Variants in CENPU observed in about 807,000 individuals in gnomAD.
CENPU encodes centromere protein U.
A neutral mutation model predicts 56.7 loss-of-function variants in CENPU; 46 were observed. That is an observed-to-expected ratio of 0.81 (90% CI 0.64 to 1.04). The LOEUF (loss-of-function observed/expected upper bound fraction) is 1.04, where lower values mean the gene tolerates loss of function less well. CENPU is among the 50% of genes least tolerant of loss of function. The probability of loss-of-function intolerance (pLI) is 0.00; values close to 1 mark genes in which losing one functional copy is unlikely to be tolerated. For synonymous variants in CENPU, 166 were observed against 163.0 expected, an observed-to-expected ratio of 1.02 and a Z score of -0.14; for missense variants, 510 against 490.1, an observed-to-expected ratio of 1.04 and a Z score of -0.38.
At chr4:184,701,586 G>A (rs1481506472) in intron 10 of CENPU, among the ~76,000 whole-genome samples, 1 of 152,098 alleles carries the variant, frequency 6.6e-6, no homozygotes, top group South Asian at 2.1e-4. Flanking sequence ...AGACCCAGTG[G>A]TATACAGCTT....
intron 2 of CENPU, among the ~76,000 whole-genome samples, chr4:184,729,839 T>C (rs1027410852): frequency 1.3e-5 from 2 of 152,166 alleles, no homozygotes; most frequent in African/African-American, 4.8e-5. Flanking sequence ...CATGAAAACA[T>C]ACATAAAATG....
intron 8 of CENPU, among the ~76,000 whole-genome samples, chr4:184,704,171 C>T (rs1156455814): frequency 2.0e-5 from 3 of 152,076 alleles, no homozygotes; most frequent in African/African-American, 7.2e-5. Context: ...CCTCAAACTC[C>T]TTGACTCCAG....
At chr4:184,727,267 A>G (rs1761488607) in intron 3 of CENPU, among the ~76,000 whole-genome samples, 1 of 152,280 alleles carries the variant, frequency 6.6e-6, no homozygotes, top group Admixed American at 6.5e-5. Flanking sequence ...GATGGTTGCC[A>G]GGAGTTGAGG....
At chr4:184,715,261 A>T (rs1273206752) in intron 6 of CENPU, among the ~76,000 whole-genome samples, 2 of 152,224 alleles carry the variant, frequency 1.3e-5, no homozygotes, top group Non-Finnish European at 2.9e-5. Context: ...AATTAATCAC[A>T]TATTAAGAAC....
At position 184,694,379 on chromosome 4, in the gene CENPU, T is replaced by C. The variant is rs538109637; in HGVS notation, c.*909A>G. The stretch of plus-strand genomic sequence containing the variant: ...GTGCACTCATTCCCACGGTGAGATA[T>C]CGGAGACAGCATTCCTCCTGCATAT... On this transcript the variant is annotated 3_prime_UTR_variant, in exon 13 of 13. Coordinates refer to ENST00000281453, the MANE Select transcript of CENPU (RefSeq NM_024629.4). 1.1e-5 allele frequency: 15 copies of C among 1,415,508 alleles called. No individual in the cohort carries two copies. Among genetic ancestry groups the C allele is most frequent in the Admixed American group, 5.7e-5 (2 of 34,984 alleles). 87.7% of individuals were successfully genotyped at this position (1,415,508 alleles called of 1,614,324 possible).
chr4:184,720,343 G>A (rs28837443), intron 4 of CENPU, among the ~76,000 whole-genome samples: 27,062 of 151,586 alleles, frequency 0.18, 2,705 homozygotes, highest in African/African-American at 0.26. Context: ...CAGAGGAAAG[G>A]AAAGAAAAAA....
intron 1 of CENPU, among the ~76,000 whole-genome samples, chr4:184,733,026 G>A (rs1436608038): frequency 2.6e-5 from 4 of 151,462 alleles, no homozygotes; most frequent in African/African-American, 9.7e-5. Context: ...ATGTGCGTAA[G>A]TGTGTTTTGG....
At chr4:184,725,678 G>T (rs1761426645) in intron 3 of CENPU, among the ~76,000 whole-genome samples, 1 of 152,168 alleles carries the variant, frequency 6.6e-6, no homozygotes, top group Non-Finnish European at 1.5e-5. Context: ...TGCATATAGT[G>T]GGCCCTCAGT....
chr4:184,700,188 C>A (rs564848900), intron 11 of CENPU, among the ~76,000 whole-genome samples: 4 of 152,204 alleles, frequency 2.6e-5, no homozygotes, highest in South Asian at 4.2e-4. Context: ...GTCTTCCTAA[C>A]CAGAAACTGG....
chr4:184,713,261 C>A (rs924054872), intron 6 of CENPU, among the ~76,000 whole-genome samples: 2 of 152,080 alleles, frequency 1.3e-5, no homozygotes, highest in Non-Finnish European at 2.9e-5. Flanking sequence ...TGTGGTGGTG[C>A]GTGCCTATAG....
intron 8 of CENPU, among the ~76,000 whole-genome samples, chr4:184,704,448 A>G (rs1008912292): frequency 2.6e-5 from 4 of 151,952 alleles, no homozygotes; most frequent in Admixed American, 6.6e-5. Context: ...TAGCCGCGGC[A>G]TGTACTAGGC....
chr4:184,731,070 A>AAGAACC, intron 1 of CENPU, 102 bp from the exon 2 acceptor site: 2 of 722,272 alleles, frequency 2.8e-6, no homozygotes, highest in Non-Finnish European at 4.2e-6. Flanking sequence ...AAAAAAAAAA[A>AAGAACC]CAAGAACCCA....
At chr4:184,715,759 C>T (rs2150217530) in intron 6 of CENPU, among the ~76,000 whole-genome samples, 1 of 152,208 alleles carries the variant, frequency 6.6e-6, no homozygotes, top group East Asian at 1.9e-4. Flanking sequence ...ATGGCATATC[C>T]ATGAATGGAA....
At chr4:184,729,160 G>A in intron 2 of CENPU, 125 bp from the exon 3 acceptor site, 1 of 707,466 alleles carries the variant, frequency 1.4e-6, no homozygotes, top group Non-Finnish European at 2.5e-6. Flanking sequence ...ATGGGGTGAT[G>A]GATTCACTAC....
chr4:184,701,247 T>G (rs1320444661), intron 10 of CENPU, among the ~76,000 whole-genome samples: 3 of 152,194 alleles, frequency 2.0e-5, no homozygotes, highest in African/African-American at 7.2e-5. Context: ...CTCTGTATTT[T>G]AAAAGAAATA....
chr4:184,698,841 G>A (rs1176326973), intron 11 of CENPU, among the ~76,000 whole-genome samples: 2 of 152,206 alleles, frequency 1.3e-5, no homozygotes, highest in East Asian at 1.9e-4. Flanking sequence ...TTTGGAGTCA[G>A]TCAGCTGACA....
intron 4 of CENPU, among the ~76,000 whole-genome samples, chr4:184,722,073 A>G (rs1170735505): frequency 6.6e-6 from 1 of 152,246 alleles, no homozygotes; most frequent in East Asian, 1.9e-4. Flanking sequence ...ACTAGATATC[A>G]ATAACAGGAG....
chr4:184,732,104 T>TA (rs1165281968), intron 1 of CENPU, among the ~76,000 whole-genome samples: 3 of 152,094 alleles, frequency 2.0e-5, no homozygotes, highest in East Asian at 1.9e-4. Context: ...CCAGCATTTT[T>TA]AAAAAAACAA....
At chr4:184,721,520 A>C (rs1204949837) in intron 4 of CENPU, among the ~76,000 whole-genome samples, 1 of 151,378 alleles carries the variant, frequency 6.6e-6, no homozygotes, top group Non-Finnish European at 1.5e-5. Flanking sequence ...CATTTCACCT[A>C]TAAAGATACA....
Sources: allele counts gnomAD v4.1 joint callset (sites outside exome capture counted in the v4.1 genomes callset), GRCh38; gene constraint gnomAD v4.1.1; transcripts MANE v1.5; gene names NCBI Gene and HGNC (gene_info 2026-07-23, HGNC 2026-07-21).